Variants in SLC37A1 observed in about 807,000 individuals in gnomAD.
SLC37A1 encodes the protein solute carrier family 37 member 1.
Under a neutral mutation model 75.3 loss-of-function variants are expected in SLC37A1, and 49 were observed. The observed-to-expected ratio is 0.65, with a 90% confidence interval of 0.52 to 0.83. SLC37A1 has a LOEUF of 0.83. Ranked by LOEUF, SLC37A1 falls within the 40% of genes least tolerant of loss-of-function variation. The probability of loss-of-function intolerance (pLI) is 0.00; values close to 1 mark genes in which losing one functional copy is unlikely to be tolerated. For missense variants in SLC37A1, 566 were observed against 695.0 expected (o/e 0.81, Z 2.09); for synonymous variants, 268 against 292.1 (o/e 0.92, Z 0.84).
chr21:42,512,999 G>C (rs1037017560), upstream of SLC37A1, among the ~76,000 whole-genome samples: 1 of 152,158 alleles, frequency 6.6e-6, no homozygotes, highest in Non-Finnish European at 1.5e-5. Flanking sequence ...GCCAGGCCTC[G>C]GGTTGGTTTT....
chr21:42,560,064 C>T (rs2055790794), intron 11 of SLC37A1, among the ~76,000 whole-genome samples: 1 of 151,938 alleles, frequency 6.6e-6, no homozygotes, highest in Non-Finnish European at 1.5e-5. Flanking sequence ...GCTGGCCTTG[C>T]CTCCAGACTA....
chr21:42,527,219 C>T (rs957015112), intron 3 of SLC37A1, among the ~76,000 whole-genome samples: 1 of 152,116 alleles, frequency 6.6e-6, no homozygotes, highest in African/African-American at 2.4e-5. Context: ...ACCTGTTGGG[C>T]TGGGGGGCTG....
intron 2 of SLC37A1, among the ~76,000 whole-genome samples, chr21:42,520,446 C>T (rs1296296197): frequency 6.6e-6 from 1 of 152,142 alleles, no homozygotes; most frequent in African/African-American, 2.4e-5. Context: ...ATTTCCTCAT[C>T]CTCATGATTA....
In SLC37A1 at chr21:42,566,968, C is replaced by G. The variant is rs1490613737; in HGVS notation, c.1271-17C>G. ...TGGAGGGCACATTTCCATTCTTTGCCCCTCTGCCTCCCACAGCCATGCTGC... is the reference window on the plus strand; with the variant it reads ...TGGAGGGCACATTTCCATTCTTTGCGCCTCTGCCTCCCACAGCCATGCTGC... On this transcript the variant is annotated splice_polypyrimidine_tract_variant and intron_variant, in intron 15 of 19. Transcript: ENST00000352133. 4 of 1,602,660 alleles carry G rather than the reference C, an allele frequency of 2.5e-6. No homozygotes were observed. Among genetic ancestry groups the G allele is most frequent in the African/African-American group, 1.3e-5 (1 of 74,896 alleles).
At chr21:42,516,471 A>T (rs2054523977) in intron 1 of SLC37A1, among the ~76,000 whole-genome samples, 1 of 152,236 alleles carries the variant, frequency 6.6e-6, no homozygotes. Context: ...TGACCCACTC[A>T]AAATGAAGTG....
chr21:42,536,496 G>A (rs963515000), intron 5 of SLC37A1, among the ~76,000 whole-genome samples: 21 of 152,160 alleles, frequency 1.4e-4, no homozygotes, highest in African/African-American at 4.8e-4. Flanking sequence ...AGGCAGTATA[G>A]GGATGTTCTA....
intron 18 of SLC37A1, chr21:42,575,363 C>G (rs1033669347): frequency 1.6e-5 from 16 of 985,480 alleles, no homozygotes; most frequent in Non-Finnish European, 1.9e-5. Flanking sequence ...CTCCTGCAGC[C>G]ATGCTGTCAG....
At chr21:42,543,763 C>T (rs960505657) in intron 8 of SLC37A1, among the ~76,000 whole-genome samples, 161 bp downstream of exon 8, 3 of 152,218 alleles carry the variant, frequency 2.0e-5, no homozygotes, top group African/African-American at 4.8e-5. Flanking sequence ...CCCGGGGAGC[C>T]GGTTCTCTCC....
At chr21:42,577,268 AG>A (rs1360017931) in intron 18 of SLC37A1, among the ~76,000 whole-genome samples, 2 of 152,252 alleles carry the variant, frequency 1.3e-5, no homozygotes, top group Non-Finnish European at 2.9e-5. Flanking sequence ...CATATAAAAT[AG>A]GGGCCAGCTA....
At chr21:42,510,303 G>A, upstream of SLC37A1, among the ~76,000 whole-genome samples, 1 of 152,154 alleles carries the variant, frequency 6.6e-6, no homozygotes, top group East Asian at 1.9e-4. Context: ...TGGGATTACA[G>A]GCGAGAGCCA....
Position 42,574,306 on chromosome 21 carries a change from G to A in SLC37A1, c.1424-512G>A, listed in dbSNP as rs79874810. Among the ~76,000 whole-genome samples, 248 of 152,198 alleles carry A rather than the reference G, an allele frequency of 1.6e-3. 6 individuals carry two copies. In the East Asian group the frequency reaches 0.036, roughly 22 times the overall value. ...GTGCATTGAATTCAGATTTCCTTAC[G>A]TGTACTCAAGAAAATAATGGGAGTG... On this transcript the variant is annotated intron_variant, in intron 17 of 19. Transcript: ENST00000352133.
At chr21:42,554,982 G>GGTTTTTTTTT (rs368777229) in intron 10 of SLC37A1, among the ~76,000 whole-genome samples, 1 of 116,598 alleles carries the variant, frequency 8.6e-6, no homozygotes. Flanking sequence ...TTGGTTGGTT[G>GGTTTTTTTTT]TTTTTTTTTT....
chr21:42,549,648 G>T (rs555218464), intron 9 of SLC37A1, among the ~76,000 whole-genome samples: 2 of 152,132 alleles, frequency 1.3e-5, no homozygotes, highest in Non-Finnish European at 2.9e-5. Context: ...CCCTTGTCAC[G>T]GGCCTTCCTG....
chr21:42,515,060 G>A (rs1885477724), intron 1 of SLC37A1: 2 of 152,340 alleles, frequency 1.3e-5, no homozygotes, highest in South Asian at 4.2e-4. Context: ...GCATTTACAC[G>A]TTCTGTTTCA....
chr21:42,567,059 G>A lies in SLC37A1; in HGVS notation c.1344+1G>A, dbSNP rs775139781. On this transcript the variant is annotated splice_donor_variant, in intron 16 of 19. Coordinates refer to ENST00000352133, the MANE Select transcript of SLC37A1 (RefSeq NM_001320537.2). LOFTEE classifies it high-confidence loss of function. ...CACCACCGCCGTCTCCGCCGACCTG[G>A]TGAGTAGAACCGGGAGAGACACCAG... 6.2e-7 allele frequency: 1 copy of A among 1,609,234 alleles called. No individual in the cohort carries two copies. Among genetic ancestry groups the A allele is most frequent in the Admixed American group, 1.7e-5 (1 of 59,968 alleles).
At position 42,580,531 on chromosome 21, in the gene SLC37A1, A is replaced by T; in HGVS notation, c.*171A>T. 1.5e-6 allele frequency: 1 copy of T among 677,394 alleles called. No individual in the cohort carries two copies. Among genetic ancestry groups the T allele is most frequent in the South Asian group, 1.9e-5 (1 of 52,212 alleles). The allele number at this position is 677,394 out of a possible 1,614,324, so 42.0% of individuals were successfully genotyped here. ...CTGAGAACCCCTGGTGCTATTTTAAAGGAGACATATTGCTGAACAGCAGTG... is the reference window on the plus strand; with the variant it reads ...CTGAGAACCCCTGGTGCTATTTTAATGGAGACATATTGCTGAACAGCAGTG... On this transcript the variant is annotated 3_prime_UTR_variant, in exon 20 of 20. Coordinates refer to ENST00000352133, the MANE Select transcript of SLC37A1 (RefSeq NM_001320537.2).
chr21:42,570,803 G>A lies in SLC37A1; in HGVS notation c.1423+2365G>A, dbSNP rs548692890. Among the ~76,000 whole-genome samples the A allele has an allele frequency of 3.0e-4, 45 of 152,316 alleles. No individual in the cohort carries two copies. In the South Asian group the frequency reaches 5.0e-3, roughly 17 times the overall value. ...CTGTGGCTAAGGGTGGAGACCCTGC[G>A]TCTGTGAACAGAGGCCACTGCCCAC... On this transcript the variant is annotated intron_variant, in intron 17 of 19. Coordinates refer to ENST00000352133, the MANE Select transcript of SLC37A1 (RefSeq NM_001320537.2).
intron 2 of SLC37A1, among the ~76,000 whole-genome samples, chr21:42,504,163 G>GGCTT (rs1476440974): frequency 6.6e-6 from 1 of 152,160 alleles, no homozygotes; most frequent in Admixed American, 6.5e-5. Context: ...AAAATATTGT[G>GGCTT]GCTTTCTTTT....
intron 10 of SLC37A1, among the ~76,000 whole-genome samples, chr21:42,556,854 G>A (rs999810750): frequency 3.9e-5 from 6 of 152,086 alleles, no homozygotes; most frequent in African/African-American, 1.2e-4. Flanking sequence ...AACAACTCAG[G>A]TATGGTGGCT....
Sources: allele counts gnomAD v4.1 joint callset (sites outside exome capture counted in the v4.1 genomes callset), GRCh38; gene constraint gnomAD v4.1.1; transcripts MANE v1.5; gene names NCBI Gene and HGNC (gene_info 2026-07-23, HGNC 2026-07-21).